The following NBEA variants were observed in gnomAD, a reference collection of about 807,000 sequenced individuals.
NBEA encodes neurobeachin, also known as lysosomal-trafficking regulator 2.
In NBEA, 44 loss-of-function variants were observed where a neutral mutation model predicts 343.4. That is an observed-to-expected ratio of 0.13 (90% CI 0.10 to 0.16). The LOEUF (loss-of-function observed/expected upper bound fraction) is 0.16, where lower values mean the gene tolerates loss of function less well. Ranked by LOEUF, NBEA falls within the 10% of genes least tolerant of loss-of-function variation. NBEA has a pLI of 1.00. For synonymous variants in NBEA, 1,175 were observed against 1,238.7 expected, an observed-to-expected ratio of 0.95 and a Z score of 1.08; for missense variants, 2,555 against 3,631.3, an observed-to-expected ratio of 0.70 and a Z score of 7.62.
chr13:35,639,905 C>T (rs1289900892), intron 49 of NBEA, among the ~76,000 whole-genome samples: 1 of 145,656 alleles, frequency 6.9e-6, no homozygotes, highest in Non-Finnish European at 1.5e-5. Flanking sequence ...TGTCATGGCT[C>T]TGTAGACCTG....
At chr13:35,615,633 C>G (rs1247163331) in intron 48 of NBEA, among the ~76,000 whole-genome samples, 1 of 152,176 alleles carries the variant, frequency 6.6e-6, no homozygotes, top group African/African-American at 2.4e-5. Flanking sequence ...GCCTGAGCCA[C>G]CATGCTCGGC....
In NBEA at chr13:35,152,227, A is replaced by G. The variant is rs952982941; in HGVS notation, c.2446-3547A>G. Among the ~76,000 whole-genome samples the G allele has an allele frequency of 6.6e-5, 10 of 152,220 alleles. No individual in the cohort carries two copies. In the South Asian group the frequency reaches 2.1e-3, roughly 31 times the overall value. On this transcript the variant is annotated intron_variant, in intron 18 of 58. Coordinates refer to ENST00000379939, the MANE Select transcript of NBEA (RefSeq NM_001385012.1). ...AAATTAACTGTTTCTATAAGGATAT[A>G]ACAATTTATGAGTGCAATCATTTTA...
intron 35 of NBEA, among the ~76,000 whole-genome samples, chr13:35,294,060 CTTAG>C (rs1421099451): frequency 2.0e-5 from 3 of 151,978 alleles, no homozygotes; most frequent in Non-Finnish European, 2.9e-5. Flanking sequence ...GCCTGCAAGT[CTTAG>C]TTAGGCATCT....
chr13:35,284,017 A>ACACAC lies in NBEA; in HGVS notation c.5777-6368_5777-6367insCCACA, dbSNP rs1566565257. ...ACACACACACACACACACACACACC[A>ACACAC]CACAGATGCATGTACACACACATCT... On this transcript the variant is annotated intron_variant, in intron 34 of 58. Transcript: ENST00000379939. 6.7e-3 allele frequency among the ~76,000 whole-genome samples: 951 copies of ACACAC among 142,192 alleles called. 2 individuals are homozygous for ACACAC. Among genetic ancestry groups the ACACAC allele is most frequent in the East Asian group, 0.018 (89 of 4,946 alleles). 93.3% of individuals were successfully genotyped at this position (142,192 alleles called of 152,430 possible).
intron 38 of NBEA, among the ~76,000 whole-genome samples, chr13:35,423,024 G>C (rs558026759): frequency 1.3e-4 from 20 of 152,196 alleles, no homozygotes; most frequent in Non-Finnish European, 2.5e-4. Context: ...ATTTGTTTAA[G>C]TTCTTTGTAG....
At chr13:35,442,423 C>T (rs1309741276) in intron 39 of NBEA, among the ~76,000 whole-genome samples, 1 of 151,994 alleles carries the variant, frequency 6.6e-6, no homozygotes, top group Non-Finnish European at 1.5e-5. Context: ...TAATCAAAAT[C>T]CTGTCGAGTA....
intron 18 of NBEA, among the ~76,000 whole-genome samples, chr13:35,149,057 G>A (rs1336975615): frequency 6.7e-6 from 1 of 150,154 alleles, no homozygotes; most frequent in African/African-American, 2.5e-5. Flanking sequence ...GCTCTGAATT[G>A]TTTGTTTGTT....
intron 38 of NBEA, among the ~76,000 whole-genome samples, chr13:35,412,042 A>C (rs2043619165): frequency 6.6e-6 from 1 of 152,162 alleles, no homozygotes; most frequent in African/African-American, 2.4e-5. Context: ...TTAGTGCCTT[A>C]AACTATATCC....
chr13:35,000,637 A>G (rs2061100158), intron 1 of NBEA, among the ~76,000 whole-genome samples: 1 of 151,570 alleles, frequency 6.6e-6, no homozygotes, highest in Admixed American at 6.6e-5. Flanking sequence ...ACACAAATGC[A>G]GGGATACTGA....
At chr13:35,406,651 A>T (rs2043285264) in intron 38 of NBEA, among the ~76,000 whole-genome samples, 1 of 152,074 alleles carries the variant, frequency 6.6e-6, no homozygotes, top group African/African-American at 2.4e-5. Context: ...ACACCTGGTG[A>T]CCTTTAAGAA....
At chr13:35,247,883 A>C (rs918344762) in intron 34 of NBEA, among the ~76,000 whole-genome samples, 20 of 152,344 alleles carry the variant, frequency 1.3e-4, no homozygotes, top group African/African-American at 4.8e-4. Context: ...ATTTAGGGAA[A>C]AAAAAAGAAG....
At chr13:35,476,414 C>T (rs141473681) in intron 41 of NBEA, 29 of 991,240 alleles carry the variant, frequency 2.9e-5, no homozygotes, top group South Asian at 4.1e-5. Context: ...TGTCCTCCCC[C>T]CTCTGCTTGT....
intron 35 of NBEA, among the ~76,000 whole-genome samples, chr13:35,294,416 T>A (rs537988058): frequency 6.6e-6 from 1 of 152,212 alleles, no homozygotes; most frequent in South Asian, 2.1e-4. Flanking sequence ...AAAATATTCA[T>A]TGTAAGTACT....
chr13:35,406,075 G>A (rs1388385114), intron 38 of NBEA, among the ~76,000 whole-genome samples: 9 of 152,086 alleles, frequency 5.9e-5, no homozygotes, highest in Non-Finnish European at 7.4e-5. Context: ...TTAAAGACGC[G>A]AAGAGTGAAA....
chr13:35,057,299 A>G (rs540193758), intron 7 of NBEA, among the ~76,000 whole-genome samples: 1 of 152,244 alleles, frequency 6.6e-6, no homozygotes, highest in South Asian at 2.1e-4. Context: ...AGCACTGTGC[A>G]TATGGTCCAC....
At chr13:35,257,580 C>A (rs61947444) in intron 34 of NBEA, among the ~76,000 whole-genome samples, 1 of 151,928 alleles carries the variant, frequency 6.6e-6, no homozygotes, top group African/African-American at 2.4e-5. Context: ...ATAATATATA[C>A]AACATGATGG....
intron 33 of NBEA, among the ~76,000 whole-genome samples, chr13:35,227,971 T>C (rs571800638): frequency 2.0e-4 from 30 of 152,082 alleles, no homozygotes; most frequent in African/African-American, 7.0e-4. Context: ...TCTTTTTTTT[T>C]TTTACTGATT....
intron 37 of NBEA, 91 bp downstream of exon 37, chr13:35,349,307 A>G (rs2040050555): frequency 9.9e-6 from 6 of 606,714 alleles, no homozygotes; most frequent in Non-Finnish European, 1.6e-5. Flanking sequence ...TTTTTTTAAA[A>G]GGAAAATTTC....
At chr13:34,977,543 A>T (rs1314274979) in intron 1 of NBEA, among the ~76,000 whole-genome samples, 1 of 152,172 alleles carries the variant, frequency 6.6e-6, no homozygotes, top group Non-Finnish European at 1.5e-5. Context: ...TCCTGACCTC[A>T]GGTGATCCTC....
Sources: allele counts gnomAD v4.1 joint callset (sites outside exome capture counted in the v4.1 genomes callset), GRCh38; gene constraint gnomAD v4.1.1; transcripts MANE v1.5; gene names NCBI Gene and HGNC (gene_info 2026-07-23, HGNC 2026-07-21).